ARHGAP25: variants seen among roughly 807,000 people sequenced by gnomAD.
ARHGAP25 encodes the protein rho GTPase-activating protein 25.
In ARHGAP25, 34 loss-of-function variants were observed where a neutral mutation model predicts 71.0. The observed-to-expected ratio is 0.48, with a 90% confidence interval of 0.36 to 0.64. The LOEUF (loss-of-function observed/expected upper bound fraction) is 0.64, where lower values mean the gene tolerates loss of function less well. Among genes scored for constraint, ARHGAP25 ranks in the 30% least tolerant of loss-of-function variants. The pLI is 0.00. For missense variants in ARHGAP25, 706 were observed against 805.1 expected (o/e 0.88, Z 1.49); for synonymous variants, 282 against 296.5 (o/e 0.95, Z 0.50).
intron 1 of ARHGAP25, chr2:68,774,891 C>T: frequency 1.5e-6 from 2 of 1,344,278 alleles, no homozygotes; most frequent in Non-Finnish European, 9.6e-7. Context: ...TTGTCAGATG[C>T]TGTGGCCACT....
At chr2:68,792,139 C>G (rs535553197) in intron 4 of ARHGAP25, among the ~76,000 whole-genome samples, 2 of 152,178 alleles carry the variant, frequency 1.3e-5, no homozygotes, top group Admixed American at 1.3e-4. Flanking sequence ...CCTCTTCCTC[C>G]AGAGATGAGC....
intron 1 of ARHGAP25, among the ~76,000 whole-genome samples, chr2:68,740,716 C>T (rs1573403708): frequency 6.6e-6 from 1 of 152,326 alleles, no homozygotes; most frequent in East Asian, 1.9e-4. Flanking sequence ...GAGCCATGAA[C>T]ATTTCTGAAC....
chr2:68,781,366 G>A (rs112351881), intron 2 of ARHGAP25, among the ~76,000 whole-genome samples: 6,514 of 151,446 alleles, frequency 0.043, 184 homozygotes, highest in Admixed American at 0.074. Context: ...CTCCAGCCTG[G>A]GCAACAGAGC....
At chr2:68,723,021 G>A (rs902114982) in intron 2 of ARHGAP25, among the ~76,000 whole-genome samples, 5 of 152,170 alleles carry the variant, frequency 3.3e-5, no homozygotes, top group Admixed American at 2.0e-4. Context: ...TGAAGCAAGG[G>A]TGACAGCGCC....
chr2:68,793,906 G>A (rs867340225), intron 4 of ARHGAP25, among the ~76,000 whole-genome samples: 1 of 152,040 alleles, frequency 6.6e-6, no homozygotes, highest in Non-Finnish European at 1.5e-5. Flanking sequence ...CAATGCATGA[G>A]CATGGGATTT....
chr2:68,779,054 A>T (rs377624626), intron 2 of ARHGAP25, among the ~76,000 whole-genome samples: 1 of 152,210 alleles, frequency 6.6e-6, no homozygotes. Context: ...TGTTACAATG[A>T]TGGTCTCAGA....
chr2:68,767,949 C>G lies in ARHGAP25; in HGVS notation c.62-7272C>G, dbSNP rs927388260. ...CCAGCTCAGTGAAAGGTGGCATGGTCTCTCCTGTCCACTTCACTCTGGATT... is the reference window on the plus strand; with the variant it reads ...CCAGCTCAGTGAAAGGTGGCATGGTGTCTCCTGTCCACTTCACTCTGGATT... On this transcript the variant is annotated intron_variant, in intron 1 of 10. Coordinates refer to ENST00000409202, the MANE Select transcript of ARHGAP25 (RefSeq NM_001007231.3). This position sits in a 1 kb window ranked among gnomAD's most constrained non-coding sequence, Gnocchi z 4.6. Among the ~76,000 whole-genome samples the G allele has an allele frequency of 6.6e-6, 1 of 152,172 alleles. No individual in the cohort carries two copies. The highest frequency in any genetic ancestry group is 1.5e-5 in the Non-Finnish European group (1 of 68,044).
At chr2:68,730,999 A>G (rs1275371195), upstream of ARHGAP25, among the ~76,000 whole-genome samples, 1 of 152,120 alleles carries the variant, frequency 6.6e-6, no homozygotes, top group East Asian at 1.9e-4. Flanking sequence ...GCAAGTTTAC[A>G]CTTCTCTCTC....
upstream of ARHGAP25, among the ~76,000 whole-genome samples, chr2:68,734,561 G>C (rs376099199): frequency 6.6e-6 from 1 of 152,190 alleles, no homozygotes; most frequent in Non-Finnish European, 1.5e-5. Context: ...GATCCGTTAG[G>C]TGAGGAAGAG....
At chr2:68,779,523 T>C (rs548392516) in intron 2 of ARHGAP25, among the ~76,000 whole-genome samples, 3 of 152,324 alleles carry the variant, frequency 2.0e-5, no homozygotes, top group African/African-American at 7.2e-5. Flanking sequence ...CATGAGCCAA[T>C]ATAAGCATTT....
At chr2:68,757,910 C>T (rs1009357968) in intron 1 of ARHGAP25, among the ~76,000 whole-genome samples, 12 of 151,950 alleles carry the variant, frequency 7.9e-5, no homozygotes, top group African/African-American at 2.9e-4. Context: ...ATTGTGGAGA[C>T]ATGAAAAATT....
intron 2 of ARHGAP25, among the ~76,000 whole-genome samples, chr2:68,717,023 T>TAGGTGATTTC (rs1348722246): frequency 3.5e-4 from 53 of 152,336 alleles, no homozygotes; most frequent in Admixed American, 5.9e-4. Context: ...AATAGGTTGT[T>TAGGTGATTTC]AGGTGATTTC....
At chr2:68,816,040 G>A (rs772860876) in intron 6 of ARHGAP25, 6 of 506,748 alleles carry the variant, frequency 1.2e-5, no homozygotes, top group African/African-American at 1.9e-5. Flanking sequence ...TCAAGGGTGG[G>A]GTGCAGTGGC....
chr2:68,778,596 G>A (rs567942787), intron 2 of ARHGAP25, among the ~76,000 whole-genome samples: 4 of 152,170 alleles, frequency 2.6e-5, no homozygotes, highest in South Asian at 2.1e-4. Flanking sequence ...GCCATCAGGC[G>A]TAAGGGCCCT....
chr2:68,714,472 G>C (rs2104247521), intron 2 of ARHGAP25, among the ~76,000 whole-genome samples: 1 of 152,216 alleles, frequency 6.6e-6, no homozygotes, highest in Non-Finnish European at 1.5e-5. Context: ...GGTTTCTCCT[G>C]TATCTATCTC....
rs534139114 is a variant in ARHGAP25 at position 68,825,644 on chromosome 2, G to A, written c.1734-343G>A. Among the ~76,000 whole-genome samples the A allele has an allele frequency of 6.6e-5, 10 of 152,154 alleles. No individual in the cohort carries two copies. In the East Asian group the frequency reaches 7.7e-4, roughly 12 times the overall value. On this transcript the variant is annotated intron_variant, in intron 10 of 10. Transcript: ENST00000409202. ...GAAAAAATTAGCTGGGTATGGTGGCGGGCATCTGCAGTCCCAGCTACTAGG... is the reference window on the plus strand; with the variant it reads ...GAAAAAATTAGCTGGGTATGGTGGCAGGCATCTGCAGTCCCAGCTACTAGG...
In ARHGAP25 at chr2:68,767,500, T is replaced by C. The variant is rs530758845; in HGVS notation, c.62-7721T>C. 3.3e-5 allele frequency among the ~76,000 whole-genome samples: 5 copies of C among 152,138 alleles called. No homozygotes were observed. In the South Asian group the frequency reaches 8.3e-4, roughly 25 times the overall value. On this transcript the variant is annotated intron_variant, in intron 1 of 10. Coordinates refer to ENST00000409202, the MANE Select transcript of ARHGAP25 (RefSeq NM_001007231.3). The surrounding 1 kb of genome is among the most constrained non-coding windows in gnomAD (Gnocchi z 4.6). ...TATGAATCTGTTTATCATTTTCAGGTGGTAGCAATGCCAGGTCTGCTGTTT... is the reference window on the plus strand; with the variant it reads ...TATGAATCTGTTTATCATTTTCAGGCGGTAGCAATGCCAGGTCTGCTGTTT...
intron 1 of ARHGAP25, among the ~76,000 whole-genome samples, chr2:68,755,362 C>T (rs756220904): frequency 3.9e-5 from 6 of 152,094 alleles, no homozygotes; most frequent in African/African-American, 1.2e-4. Context: ...TTTTATCACT[C>T]AGAGAAAAGT....
chr2:68,811,934 G>C (rs969143056), intron 5 of ARHGAP25, among the ~76,000 whole-genome samples: 3 of 152,188 alleles, frequency 2.0e-5, no homozygotes, highest in Non-Finnish European at 4.4e-5. Flanking sequence ...TACCAGGGCT[G>C]CTACCTAAGA....
Sources: allele counts gnomAD v4.1 joint callset (sites outside exome capture counted in the v4.1 genomes callset), GRCh38; gene constraint gnomAD v4.1.1; non-coding constraint Gnocchi (gnomAD v3.1); transcripts MANE v1.5; gene names NCBI Gene and HGNC (gene_info 2026-07-23, HGNC 2026-07-21).